The following ROBO2 variants were observed in gnomAD, a reference collection of about 807,000 sequenced individuals.
The protein encoded by ROBO2 is roundabout guidance receptor 2, also known as roundabout homolog 2.
In ROBO2, 53 loss-of-function variants were observed where a neutral mutation model predicts 160.8. The observed-to-expected ratio is 0.33, with a 90% CI of 0.26 to 0.41. ROBO2 has a LOEUF of 0.41. Among genes scored for constraint, ROBO2 ranks in the 10% least tolerant of loss-of-function variants. The pLI is 1.00. For missense variants in ROBO2, 1,577 were observed against 1,722.4 expected (o/e 0.92, Z 1.49); for synonymous variants, 664 against 611.7 (o/e 1.09, Z -1.26).
chr3:77,381,115 A>G (rs2073401078), intron 2 of ROBO2, among the ~76,000 whole-genome samples: 1 of 152,216 alleles, frequency 6.6e-6, no homozygotes, highest in Admixed American at 6.5e-5. Context: ...GGAGATCAAG[A>G]CCATCCTGGC....
intron 2 of ROBO2, among the ~76,000 whole-genome samples, chr3:76,430,720 A>G (rs2076401471): frequency 1.3e-5 from 2 of 152,156 alleles, no homozygotes; most frequent in South Asian, 4.1e-4. Flanking sequence ...AGTAATCATA[A>G]TTATTTTTCT....
intron 2 of ROBO2, among the ~76,000 whole-genome samples, chr3:76,518,384 T>C (rs1247927846): frequency 6.6e-6 from 1 of 152,080 alleles, no homozygotes; most frequent in Non-Finnish European, 1.5e-5. Flanking sequence ...AGGCGTGCCA[T>C]GTAAAATAAT....
chr3:77,296,709 T>C (rs1231060965), intron 2 of ROBO2, among the ~76,000 whole-genome samples: 2 of 152,130 alleles, frequency 1.3e-5, no homozygotes, highest in African/African-American at 4.8e-5. Flanking sequence ...TGTGGTAAGA[T>C]GAATCATGGC....
intron 2 of ROBO2, among the ~76,000 whole-genome samples, chr3:76,262,778 C>G (rs1380585701): frequency 6.6e-6 from 1 of 152,014 alleles, no homozygotes; most frequent in Non-Finnish European, 1.5e-5. Context: ...AGAAATGTAA[C>G]CAGATCAAGT....
intron 2 of ROBO2, among the ~76,000 whole-genome samples, chr3:76,019,961 T>C (rs1453699375): frequency 1.4e-5 from 2 of 145,316 alleles, no homozygotes; most frequent in East Asian, 2.1e-4. Context: ...CTAATATTTG[T>C]ATTATGGCCT....
chr3:76,195,401 G>A (rs1429115988), intron 2 of ROBO2, among the ~76,000 whole-genome samples: 1 of 152,134 alleles, frequency 6.6e-6, no homozygotes, highest in East Asian at 1.9e-4. Context: ...GTTATTTATG[G>A]AATTACATTA....
At chr3:76,599,321 A>G (rs7433113) in intron 2 of ROBO2, among the ~76,000 whole-genome samples, 14,733 of 152,158 alleles carry the variant, frequency 0.097, 946 homozygotes, top group East Asian at 0.27. Context: ...GAAAACATGC[A>G]GTATTTGGTT....
intron 2 of ROBO2, among the ~76,000 whole-genome samples, chr3:76,640,539 T>TAATAAATA (rs56257359): frequency 0.4 from 58,090 of 144,048 alleles, 12,081 homozygotes; most frequent in East Asian, 0.55. Flanking sequence ...GTCTCAAAAA[T>TAATAAATA]AATAAATAAA....
At chr3:77,527,452 G>A in intron 6 of ROBO2, 38 bp downstream of exon 7, 1 of 1,269,998 alleles carries the variant, frequency 7.9e-7, no homozygotes, top group South Asian at 1.2e-5. Flanking sequence ...GCATGGCTTT[G>A]CACAGTGCTT....
At chr3:76,775,974 T>G (rs1294877021) in intron 2 of ROBO2, among the ~76,000 whole-genome samples, 7 of 150,900 alleles carry the variant, frequency 4.6e-5, no homozygotes, top group Non-Finnish European at 7.4e-5. Context: ...TTCCCTACTA[T>G]CACAACCCAC....
intron 2 of ROBO2, among the ~76,000 whole-genome samples, chr3:77,252,442 A>G (rs371650469): frequency 6.6e-5 from 10 of 152,210 alleles, no homozygotes; most frequent in African/African-American, 2.4e-4. Context: ...TGCATAGCTT[A>G]TTCATGAATC....
At chr3:77,234,013 C>T (rs1313525947) in intron 2 of ROBO2, among the ~76,000 whole-genome samples, 1 of 152,118 alleles carries the variant, frequency 6.6e-6, no homozygotes, top group Non-Finnish European at 1.5e-5. Context: ...CTTGTATTTC[C>T]TAGCTGAATT....
chr3:76,342,250 A>G (rs965349008), intron 2 of ROBO2, among the ~76,000 whole-genome samples: 1 of 152,106 alleles, frequency 6.6e-6, no homozygotes, highest in Admixed American at 6.6e-5. Flanking sequence ...GATTTTACCC[A>G]TCTTGCAAAC....
At chr3:75,971,688 C>T (rs2064998951) in intron 2 of ROBO2, among the ~76,000 whole-genome samples, 1 of 151,192 alleles carries the variant, frequency 6.6e-6, no homozygotes, top group East Asian at 2.0e-4. Flanking sequence ...AAAAATTTTT[C>T]AAGTTTGGAA....
intron 2 of ROBO2, among the ~76,000 whole-genome samples, chr3:76,188,670 T>G (rs140797268): frequency 0.028 from 4,273 of 152,198 alleles, 58 homozygotes; most frequent in Middle Eastern, 0.054. Flanking sequence ...TAACCTGTTT[T>G]GTTTTAGATT....
chr3:76,017,737 A>G (rs1026094230), intron 2 of ROBO2, among the ~76,000 whole-genome samples: 6 of 152,122 alleles, frequency 3.9e-5, no homozygotes, highest in African/African-American at 1.2e-4. Context: ...AAAAGTTTCT[A>G]CATTTCAAAT....
intron 2 of ROBO2, among the ~76,000 whole-genome samples, chr3:76,304,150 A>G (rs968894369): frequency 2.6e-5 from 4 of 152,188 alleles, no homozygotes; most frequent in African/African-American, 9.7e-5. Flanking sequence ...TTTACCTTGG[A>G]AACAAAACTG....
chr3:76,339,365 G>C (rs950108738), intron 2 of ROBO2, among the ~76,000 whole-genome samples: 1 of 152,052 alleles, frequency 6.6e-6, no homozygotes, highest in Non-Finnish European at 1.5e-5. Context: ...ATTTTGAAAC[G>C]CATGCTTTAG....
At chr3:77,299,620 C>T (rs995437642) in intron 2 of ROBO2, among the ~76,000 whole-genome samples, 3 of 152,092 alleles carry the variant, frequency 2.0e-5, no homozygotes, top group African/African-American at 7.2e-5. Flanking sequence ...GGAGTAACTG[C>T]CCCCATGATT....
Sources: gnomAD v4.1 joint callset for allele counts (sites outside exome capture counted in the v4.1 genomes callset) on GRCh38, gnomAD v4.1.1 for gene constraint, MANE v1.5 for transcripts, NCBI Gene and HGNC (gene_info 2026-07-23, HGNC 2026-07-21) for gene names.